The following CFAP95 variants were observed in gnomAD, a reference collection of about 807,000 sequenced individuals.
CFAP95 encodes the protein cilia and flagella associated protein 95.
the CFAP95 span, among the ~76,000 whole-genome samples, chr9:69,896,188 T>C: frequency 6.6e-6 from 1 of 152,208 alleles, no homozygotes; most frequent in Admixed American, 6.5e-5. Context: ...CAAAGGTAAA[T>C]GTCCTCACAT....
the CFAP95 span, among the ~76,000 whole-genome samples, chr9:69,876,984 G>T: frequency 1.3e-5 from 2 of 152,248 alleles, no homozygotes; most frequent in South Asian, 2.1e-4. Flanking sequence ...TGACTTTTCT[G>T]AAAACTTTGT....
chr9:69,899,396 T>TAA, the CFAP95 span, among the ~76,000 whole-genome samples: 1 of 152,242 alleles, frequency 6.6e-6, no homozygotes, highest in Non-Finnish European at 1.5e-5. Context: ...TGGGAAAACA[T>TAA]AAGTTCTTCA....
chr9:69,906,118 G>A, the CFAP95 span: 4 of 1,599,404 alleles, frequency 2.5e-6, no homozygotes, highest in African/African-American at 2.7e-5. Flanking sequence ...TGACTAGTGG[G>A]CCTATTGTGC....
chr9:69,843,746 T>A, the CFAP95 span, among the ~76,000 whole-genome samples: 1 of 150,346 alleles, frequency 6.7e-6, no homozygotes, highest in Admixed American at 6.7e-5. Flanking sequence ...CCTGAGGTGA[T>A]CCTCCTAGCC....
the CFAP95 span, among the ~76,000 whole-genome samples, chr9:69,847,528 C>T: frequency 6.6e-6 from 1 of 152,220 alleles, no homozygotes; most frequent in South Asian, 2.1e-4. Context: ...TACCCTGCTA[C>T]ACTGCACCTT....
At chr9:69,845,163 G>A in the CFAP95 span, among the ~76,000 whole-genome samples, 1 of 152,198 alleles carries the variant, frequency 6.6e-6, no homozygotes, top group Non-Finnish European at 1.5e-5. Flanking sequence ...GTGTCATAAT[G>A]TTTGTACAAT....
At chr9:69,852,957 C>T in the CFAP95 span, among the ~76,000 whole-genome samples, 18 of 152,288 alleles carry the variant, frequency 1.2e-4, no homozygotes, top group East Asian at 3.5e-3. Flanking sequence ...GATTATGAGG[C>T]CTCCCCAGCC....
chr9:69,848,257 G>T, the CFAP95 span, among the ~76,000 whole-genome samples: 3 of 152,176 alleles, frequency 2.0e-5, no homozygotes, highest in East Asian at 5.8e-4. Context: ...ATCCATTGTG[G>T]ACCATGGGGA....
chr9:69,820,867 C>G, the CFAP95 span: 1 of 1,613,500 alleles, frequency 6.2e-7, no homozygotes, highest in East Asian at 2.2e-5. Context: ...AGGTCTGTAC[C>G]TCGAGGGCTC....
chr9:69,851,941 G>A, the CFAP95 span, among the ~76,000 whole-genome samples: 1 of 151,768 alleles, frequency 6.6e-6, no homozygotes, highest in South Asian at 2.1e-4. Context: ...GGTAGTTGTG[G>A]AAAACAATAA....
the CFAP95 span, among the ~76,000 whole-genome samples, chr9:69,890,349 T>C: frequency 6.6e-6 from 1 of 152,220 alleles, no homozygotes; most frequent in African/African-American, 2.4e-5. Context: ...CCATGACAGT[T>C]GTTTGCCTTT....
chr9:69,862,267 G>T, the CFAP95 span, among the ~76,000 whole-genome samples: 8 of 152,082 alleles, frequency 5.3e-5, no homozygotes, highest in Non-Finnish European at 8.8e-5. Context: ...ATTCTTTTTG[G>T]TAAATGCATT....
the CFAP95 span, among the ~76,000 whole-genome samples, chr9:69,848,824 A>T: frequency 6.6e-6 from 1 of 152,300 alleles, no homozygotes; most frequent in East Asian, 1.9e-4. Flanking sequence ...TAATTACCTC[A>T]GTGAAAATCC....
the CFAP95 span, among the ~76,000 whole-genome samples, chr9:69,895,369 C>CTCTCTGTGTGTGTGTGTG: frequency 1.2e-3 from 131 of 107,904 alleles, no homozygotes; most frequent in East Asian, 1.9e-3. Context: ...CTCTCTCTCT[C>CTCTCTGTGTGTGTGTGTG]TGTGTGTGTG....
chr9:69,893,141 T>C, the CFAP95 span, among the ~76,000 whole-genome samples: 636 of 152,292 alleles, frequency 4.2e-3, 7 homozygotes, highest in Non-Finnish European at 7.1e-3. Context: ...CTGGGGGTCA[T>C]GGGCAACCCC....
chr9:69,821,764 T>C, the CFAP95 span, among the ~76,000 whole-genome samples: 1 of 152,052 alleles, frequency 6.6e-6, no homozygotes, highest in East Asian at 1.9e-4. Context: ...TCATTTTAAT[T>C]AGTTGGCCAC....
At chr9:69,857,841 T>A in the CFAP95 span, 1 of 1,482,476 alleles carries the variant, frequency 6.7e-7, no homozygotes, top group East Asian at 2.3e-5. Flanking sequence ...AAATTAGTTT[T>A]ACATGGCTTT....
At chr9:69,902,970 G>C in the CFAP95 span, among the ~76,000 whole-genome samples, 1,759 of 152,198 alleles carry the variant, frequency 0.012, 33 homozygotes, top group African/African-American at 0.04. Flanking sequence ...CAATATTGTA[G>C]ATTATTCAGG....
the CFAP95 span, among the ~76,000 whole-genome samples, chr9:69,890,738 ATGT>A: frequency 1.3e-5 from 2 of 152,242 alleles, no homozygotes; most frequent in Non-Finnish European, 2.9e-5. Flanking sequence ...ATTATCTCAA[ATGT>A]TGTGCATAAA....
Sources: gnomAD v4.1 joint callset for allele counts (sites outside exome capture counted in the v4.1 genomes callset) on GRCh38, gnomAD v4.1.1 for gene constraint, MANE v1.5 for transcripts, NCBI Gene and HGNC (gene_info 2026-07-23, HGNC 2026-07-21) for gene names.